Variants in VPS13B observed in about 807,000 individuals in gnomAD.
The protein encoded by VPS13B is intermembrane lipid transfer protein VPS13B.
VPS13B carries 285 observed loss-of-function variants against 426.4 expected under a neutral mutation model. The observed-to-expected ratio is 0.67, with a 90% CI of 0.61 to 0.74. The LOEUF (loss-of-function observed/expected upper bound fraction) is 0.74, where lower values mean the gene tolerates loss of function less well. Among genes scored for constraint, VPS13B ranks in the 30% least tolerant of loss-of-function variants. VPS13B has a pLI of 0.00. For synonymous variants in VPS13B, 1,676 were observed against 1,676.4 expected, an observed-to-expected ratio of 1.00 and a Z score of 0.01; for missense variants, 4,537 against 4,782.6, an observed-to-expected ratio of 0.95 and a Z score of 1.51.
chr8:99,353,747 T>C (rs573835378), intron 19 of VPS13B, among the ~76,000 whole-genome samples: 11 of 152,240 alleles, frequency 7.2e-5, no homozygotes, highest in South Asian at 6.2e-4. Flanking sequence ...AATTCTGTTT[T>C]CCCCCCAAAG....
intron 2 of VPS13B, among the ~76,000 whole-genome samples, chr8:99,020,338 T>G (rs1190684958): frequency 6.6e-6 from 1 of 152,168 alleles, no homozygotes; most frequent in Non-Finnish European, 1.5e-5. Flanking sequence ...TTCTTTGTTT[T>G]TTGTTGTTGT....
chr8:99,703,604 C>A (rs1832375148), intron 36 of VPS13B, among the ~76,000 whole-genome samples: 1 of 152,078 alleles, frequency 6.6e-6, no homozygotes, highest in East Asian at 1.9e-4. Context: ...CCATCCCATT[C>A]TATAGTATTT....
chr8:99,086,836 A>G (rs1845837765), intron 3 of VPS13B, among the ~76,000 whole-genome samples: 1 of 152,148 alleles, frequency 6.6e-6, no homozygotes, highest in South Asian at 2.1e-4. Context: ...TCAGAGGAGT[A>G]CCGGGCTGTG....
chr8:99,367,784 G>A (rs1451061544), intron 19 of VPS13B, among the ~76,000 whole-genome samples: 3 of 152,196 alleles, frequency 2.0e-5, no homozygotes, highest in African/African-American at 7.2e-5. Flanking sequence ...CTCCCGAGTA[G>A]CTGGGATTAC....
intron 22 of VPS13B, among the ~76,000 whole-genome samples, chr8:99,441,131 G>C (rs995130013): frequency 1.3e-5 from 2 of 152,010 alleles, no homozygotes; most frequent in African/African-American, 4.8e-5. Flanking sequence ...ACTAAAATGA[G>C]CTCATGCTTC....
chr8:99,109,709 A>G (rs1847261499), intron 5 of VPS13B, among the ~76,000 whole-genome samples: 1 of 152,288 alleles, frequency 6.6e-6, no homozygotes, highest in African/African-American at 2.4e-5. Flanking sequence ...AGCAAAGTAG[A>G]TAAGAACATG....
rs796611796 is a variant in VPS13B at position 99,162,458 on chromosome 8, A to C, written c.2208+5715A>C. ...GTTCTTGGTCTCACTGACTTCAAGA[A>C]TGAAGCCGCGGACCCTCGCGGTGAG... On this transcript the variant is annotated intron_variant, in intron 15 of 61. Coordinates refer to ENST00000357162, the MANE Select transcript of VPS13B (RefSeq NM_152564.5). 3.3e-5 allele frequency among the ~76,000 whole-genome samples: 5 copies of C among 152,328 alleles called. 1 individual carries two copies. Among genetic ancestry groups the C allele is most frequent in the African/African-American group, 1.2e-4 (5 of 41,574 alleles).
intron 19 of VPS13B, among the ~76,000 whole-genome samples, chr8:99,377,450 C>G (rs1213206685): frequency 6.6e-6 from 1 of 152,180 alleles, no homozygotes; most frequent in Non-Finnish European, 1.5e-5. Flanking sequence ...TCAACTGCAT[C>G]TAATGTGCTT....
At chr8:99,053,110 T>G (rs1173149387) in intron 3 of VPS13B, among the ~76,000 whole-genome samples, 2 of 151,588 alleles carry the variant, frequency 1.3e-5, no homozygotes, top group Non-Finnish European at 2.9e-5. Flanking sequence ...CTCTAGTTCT[T>G]TAATTTTTTA....
chr8:99,226,457 G>A lies in VPS13B; in HGVS notation c.2515+33400G>A, dbSNP rs1028565400. 3.3e-5 allele frequency among the ~76,000 whole-genome samples: 5 copies of A among 151,890 alleles called. No individual in the cohort carries two copies. The East Asian group carries it at 7.7e-4, about 23-fold the overall frequency. On this transcript the variant is annotated intron_variant, in intron 17 of 61. Coordinates refer to ENST00000357162, the MANE Select transcript of VPS13B (RefSeq NM_152564.5). Reference sequence around the variant, plus strand: ...AATTATTTAATATTATTCCACTGACGTCCTTTTTTAAAGAAATTCATTAAC... The same window carrying A: ...AATTATTTAATATTATTCCACTGACATCCTTTTTTAAAGAAATTCATTAAC...
chr8:99,739,643 G>A (rs539042647), intron 39 of VPS13B, among the ~76,000 whole-genome samples: 20 of 152,292 alleles, frequency 1.3e-4, no homozygotes, highest in African/African-American at 4.1e-4. Context: ...GAAAGATCAC[G>A]CAGCAACATT....
At chr8:99,443,637 G>A (rs970507423) in intron 23 of VPS13B, among the ~76,000 whole-genome samples, 1 of 152,104 alleles carries the variant, frequency 6.6e-6, no homozygotes, top group Non-Finnish European at 1.5e-5. Context: ...ATTGATTCAT[G>A]TTGTAGCAGT....
At chr8:99,779,751 A>G (rs936376417) in intron 42 of VPS13B, among the ~76,000 whole-genome samples, 1 of 152,222 alleles carries the variant, frequency 6.6e-6, no homozygotes, top group African/African-American at 2.4e-5. Flanking sequence ...AATATGTTCA[A>G]TGATTTAAGA....
intron 19 of VPS13B, among the ~76,000 whole-genome samples, chr8:99,294,447 G>A (rs1054072436): frequency 4.8e-5 from 7 of 145,698 alleles, no homozygotes; most frequent in African/African-American, 1.5e-4. Flanking sequence ...GCTAGATGAC[G>A]AGTTAGTGGG....
chr8:99,835,725 G>A lies in VPS13B; in HGVS notation c.9929G>A (p.Ser3310Asn). ...TEWSDAIDIN[S>N]QGTQVVFLTG... Reference sequence around the variant, plus strand: ...TGGAGTGATGCCATTGACATCAACAGTCAGGGAACACAGGTCAGTGAGCCA... The same window carrying A: ...TGGAGTGATGCCATTGACATCAACAATCAGGGAACACAGGTCAGTGAGCCA... Residue 3310 changes from serine (S) to asparagine (N), a missense_variant, in exon 54 of 62, where the codon AGT becomes AAT. Physicochemically the swap from Ser to Asn is conservative, Grantham distance 46. This residue lies in a region of VPS13B where 4,311 missense variants were observed against 4,474.3 expected (regional missense o/e 0.96). Transcript: ENST00000357162. The A allele has an allele frequency of 6.2e-7, 1 of 1,614,120 alleles. No homozygotes were observed. Among genetic ancestry groups the A allele is most frequent in the South Asian group, 1.1e-5 (1 of 91,080 alleles).
At chr8:99,842,444 A>T (rs1473356721) in intron 54 of VPS13B, among the ~76,000 whole-genome samples, 1 of 149,848 alleles carries the variant, frequency 6.7e-6, no homozygotes, top group Admixed American at 6.6e-5. Context: ...CCCTGTCTCT[A>T]CAGAAATTAA....
rs1371899907 is a variant in VPS13B, at chr8:99,654,028, G to GATT, written c.5909-7324_5909-7323insTAT. On this transcript the variant is annotated intron_variant, in intron 34 of 61. Coordinates refer to ENST00000357162, the MANE Select transcript of VPS13B (RefSeq NM_152564.5). ...TGCTGTCCTGACATTGGATGATGAT[G>GATT]ATGATTATTATTATTATTATTATTA... Among the ~76,000 whole-genome samples, 60 of 150,972 alleles carry GATT rather than the reference G, an allele frequency of 4.0e-4. 1 individual carries two copies. Among genetic ancestry groups the GATT allele is most frequent in the East Asian group, 1.2e-3 (6 of 5,138 alleles).
At chr8:99,231,395 A>T (rs1816315839) in intron 17 of VPS13B, among the ~76,000 whole-genome samples, 2 of 152,290 alleles carry the variant, frequency 1.3e-5, no homozygotes, top group East Asian at 3.9e-4. Flanking sequence ...TGCTCACATA[A>T]ACCAGTACAT....
intron 19 of VPS13B, among the ~76,000 whole-genome samples, chr8:99,281,688 C>G (rs1292728384): frequency 6.6e-6 from 1 of 152,174 alleles, no homozygotes; most frequent in Non-Finnish European, 1.5e-5. Context: ...ACTTGGGATC[C>G]TTGTCTTCTG....
Sources: gnomAD v4.1 joint callset for allele counts (sites outside exome capture counted in the v4.1 genomes callset) on GRCh38, gnomAD v4.1.1 for gene constraint, gnomAD v4.1.1 regional missense constraint, MANE v1.5 for transcripts, NCBI Gene and HGNC (gene_info 2026-07-23, HGNC 2026-07-21) for gene names.